EIF4ENIF1: variants seen among roughly 807,000 people sequenced by gnomAD.
EIF4ENIF1 encodes eukaryotic translation initiation factor 4E transporter.
In EIF4ENIF1, 23 loss-of-function variants were observed where a neutral mutation model predicts 110.5. That is an observed-to-expected ratio of 0.21 (90% CI 0.15 to 0.29). The LOEUF (loss-of-function observed/expected upper bound fraction) is 0.29. Among genes scored for constraint, EIF4ENIF1 ranks in the 10% least tolerant of loss-of-function variants. The pLI, the probability that EIF4ENIF1 is intolerant of heterozygous loss-of-function variation, is 1.00. For missense variants in EIF4ENIF1, 1,031 were observed against 1,221.1 expected (o/e 0.84, Z 2.32); for synonymous variants, 440 against 437.0 (o/e 1.01, Z -0.09).
At position 31,464,699 on chromosome 22, in the gene EIF4ENIF1, A is replaced by AAAAAAT. The variant is rs1304121964; in HGVS notation, c.299-733_299-732insATTTTT. Among the ~76,000 whole-genome samples the AAAAAAT allele has an allele frequency of 1.6e-3, 64 of 39,108 alleles. 1 individual carries two copies. Among genetic ancestry groups the AAAAAAT allele is most frequent in the East Asian group, 6.9e-3 (11 of 1,600 alleles). The allele number at this position is 39,108 out of a possible 152,430, so 25.7% of individuals were successfully genotyped here. A position where few individuals can be genotyped will look rare whatever the true frequency, so the allele number is the denominator to read the frequency against. On this transcript the variant is annotated intron_variant, in intron 4 of 18. Coordinates refer to ENST00000330125, the MANE Select transcript of EIF4ENIF1 (RefSeq NM_019843.4). Reference sequence around the variant, plus strand: ...TCAAAAAAAAAAAAAAAAAAAAAAAAATATATATATATATATATATATATA... The same window carrying AAAAAAT: ...TCAAAAAAAAAAAAAAAAAAAAAAAAAAAAATATATATATATATATATATATATATA...
intron 2 of EIF4ENIF1, among the ~76,000 whole-genome samples, chr22:31,478,949 CAAAAAAA>C (rs377466384): frequency 3.4e-5 from 3 of 89,246 alleles, no homozygotes; most frequent in African/African-American, 4.6e-5. Context: ...GAGACTGTTT[CAAAAAAA>C]AAAAAAAAAA....
At chr22:31,493,002 T>C (rs1336694433), upstream of EIF4ENIF1, among the ~76,000 whole-genome samples, 1 of 151,970 alleles carries the variant, frequency 6.6e-6, no homozygotes, top group East Asian at 1.9e-4. Flanking sequence ...AGTGCTGGGA[T>C]TACAGGCATG....
upstream of EIF4ENIF1, among the ~76,000 whole-genome samples, chr22:31,493,124 C>G (rs568405270): frequency 4.7e-5 from 7 of 149,772 alleles, no homozygotes; most frequent in African/African-American, 1.7e-4. Context: ...AGCTCTGCCC[C>G]CTGGGTTCAG....
intron 10 of EIF4ENIF1, 29 bp downstream of exon 10, chr22:31,454,115 A>AGGGTGGGG: frequency 6.3e-7 from 1 of 1,581,716 alleles, no homozygotes; most frequent in Non-Finnish European, 8.7e-7. Context: ...AAAGGAGAAA[A>AGGGTGGGG]GGGTGGGGGG....
intron 14 of EIF4ENIF1, among the ~76,000 whole-genome samples, chr22:31,445,960 C>CCG (rs2050456239): frequency 6.7e-6 from 1 of 148,214 alleles, no homozygotes; most frequent in African/African-American, 2.5e-5. Context: ...ACCGCCCCCC[C>CCG]CCCCCATCTA....
chr22:31,445,634 C>A (rs1187348453), intron 14 of EIF4ENIF1, among the ~76,000 whole-genome samples: 1 of 152,120 alleles, frequency 6.6e-6, no homozygotes. Context: ...TGGAATACAG[C>A]AGTGAATAAA....
At chr22:31,486,907 C>T (rs2052050385) in intron 2 of EIF4ENIF1, among the ~76,000 whole-genome samples, 2 of 141,904 alleles carry the variant, frequency 1.4e-5, no homozygotes, top group Non-Finnish European at 3.1e-5. Context: ...ATGGAGAAAC[C>T]CCGTCTCTAC....
chr22:31,463,809 G>A lies in EIF4ENIF1; in HGVS notation c.457C>T (p.Arg153Cys), dbSNP rs1314697052. 6.2e-7 allele frequency: 1 copy of A among 1,613,928 alleles called. No homozygotes were observed. The highest frequency in any genetic ancestry group is 8.5e-7 in the Non-Finnish European group (1 of 1,180,024). ...ATTATCCTCCCACTGCCAATCCTAC[G>A]TCCACCAAGCAGACGAAGCCCATCA... The part of the protein sequence containing the change: ...DSDGLRLLGG[R>C]RIGSGRIISA... Residue 153 changes from arginine (R) to cysteine (C), a missense_variant, in exon 5 of 19, where the codon CGT becomes TGT. Arg to Cys is a radical substitution (Grantham distance 180). Transcript: ENST00000330125.
At chr22:31,476,324 A>G (rs578003583) in intron 2 of EIF4ENIF1, among the ~76,000 whole-genome samples, 23 of 152,310 alleles carry the variant, frequency 1.5e-4, no homozygotes, top group African/African-American at 5.5e-4. Context: ...GGATCCCAAT[A>G]GGTGTTCTCA....
Position 31,489,751 on chromosome 22 carries a change from C to A in EIF4ENIF1, c.-85G>T. On this transcript the variant is annotated 5_prime_UTR_variant, in exon 1 of 19. Coordinates refer to ENST00000330125, the MANE Select transcript of EIF4ENIF1 (RefSeq NM_019843.4). The stretch of plus-strand genomic sequence containing the variant: ...TCGGCCGCCGCTCCCCTCCCCGCTG[C>A]CCGCACCGGTCCCAGCGCCGCTCCC... 1 of 152,286 alleles carries A rather than the reference C, an allele frequency of 6.6e-6. No individual in the cohort carries two copies. Among genetic ancestry groups the A allele is most frequent in the South Asian group, 2.0e-4 (1 of 4,944 alleles). The allele number at this position is 152,286 out of a possible 1,614,324, so 9.4% of individuals were successfully genotyped here. A position where few individuals can be genotyped will look rare whatever the true frequency, so the allele number is the denominator to read the frequency against.
At chr22:31,493,075 C>T (rs1041110894), upstream of EIF4ENIF1, among the ~76,000 whole-genome samples, 5 of 151,640 alleles carry the variant, frequency 3.3e-5, no homozygotes, top group Admixed American at 3.3e-4. Context: ...GCTCTGTCGT[C>T]CAGGCTGGAG....
intron 10 of EIF4ENIF1, among the ~76,000 whole-genome samples, chr22:31,452,275 C>A (rs969129206): frequency 2.0e-5 from 3 of 152,162 alleles, no homozygotes; most frequent in Non-Finnish European, 4.4e-5. Context: ...TAACAACATG[C>A]AAATTGAGCA....
intron 2 of EIF4ENIF1, chr22:31,479,471 G>A (rs2051728149): frequency 6.6e-6 from 1 of 151,802 alleles, no homozygotes; most frequent in South Asian, 2.1e-4. Context: ...TTTAGTATAT[G>A]TGCTGCCGAA....
At chr22:31,473,055 T>C (rs976541391) in intron 2 of EIF4ENIF1, among the ~76,000 whole-genome samples, 1 of 150,578 alleles carries the variant, frequency 6.6e-6, no homozygotes. Context: ...CTTCCACATA[T>C]GAGCGAGCTT....
At chr22:31,460,495 T>C (rs1043614875) in intron 6 of EIF4ENIF1, among the ~76,000 whole-genome samples, 1 of 150,450 alleles carries the variant, frequency 6.6e-6, no homozygotes, top group African/African-American at 2.5e-5. Context: ...TAGCTGGGTG[T>C]GTTGGCACGC....
chr22:31,491,630 C>T (rs1039971129), upstream of EIF4ENIF1, among the ~76,000 whole-genome samples: 2 of 152,142 alleles, frequency 1.3e-5, no homozygotes, highest in African/African-American at 4.8e-5. Flanking sequence ...AAAGCAATGG[C>T]ACAATCATAG....
rs2050234462 is a variant in EIF4ENIF1 at position 31,439,776 on chromosome 22, CAG to C, written c.*102_*103del. On this transcript the variant is annotated 3_prime_UTR_variant, in exon 19 of 19. Transcript: ENST00000330125. ...ATGGGTTCCACCAAACAGCTTCACACAGAGTGCTCCAAAGTAAAAGCCCATAA... is the reference window on the plus strand; with the variant it reads ...ATGGGTTCCACCAAACAGCTTCACACAGTGCTCCAAAGTAAAAGCCCATAA... 6.7e-7 allele frequency: 1 copy of C among 1,499,670 alleles called. No individual in the cohort carries two copies. Among genetic ancestry groups the C allele is most frequent in the East Asian group, 2.3e-5 (1 of 43,692 alleles). The allele number at this position is 1,499,670 out of a possible 1,614,324, so 92.9% of individuals were successfully genotyped here. A position where few individuals can be genotyped will look rare whatever the true frequency, so the allele number is the denominator to read the frequency against.
intron 12 of EIF4ENIF1, among the ~76,000 whole-genome samples, chr22:31,449,041 C>T (rs983435498): frequency 6.6e-6 from 1 of 152,158 alleles, no homozygotes; most frequent in Admixed American, 6.5e-5. Flanking sequence ...GACAGAGTCT[C>T]GCTCTGTCGC....
intron 3 of EIF4ENIF1, 73 bp downstream of exon 3, chr22:31,471,771 C>G: frequency 7.5e-7 from 1 of 1,324,666 alleles, no homozygotes; most frequent in Middle Eastern, 1.9e-4. Flanking sequence ...CAATACAATT[C>G]TTAATTTACC....
Sources: gnomAD v4.1 joint callset for allele counts (sites outside exome capture counted in the v4.1 genomes callset) on GRCh38, gnomAD v4.1.1 for gene constraint, MANE v1.5 for transcripts, NCBI Gene and HGNC (gene_info 2026-07-23, HGNC 2026-07-21) for gene names.